The following GALNT14 variants were observed in gnomAD, a reference collection of about 807,000 sequenced individuals.
The protein encoded by GALNT14 is UDP-GalNAc:polypeptide N-acetylgalactosaminyltransferase 14.
A neutral mutation model predicts 77.5 loss-of-function variants in GALNT14; 60 were observed. The observed-to-expected ratio is 0.77, with a 90% confidence interval of 0.63 to 0.96. The LOEUF is 0.96. Ranked by LOEUF, GALNT14 falls within the 40% of genes least tolerant of loss-of-function variation. The pLI is 0.00. For missense variants in GALNT14, 710 were observed against 731.0 expected, an observed-to-expected ratio of 0.97 and a Z score of 0.33; for synonymous variants, 280 against 281.7, an observed-to-expected ratio of 0.99 and a Z score of 0.06.
At position 30,924,963 on chromosome 2, in the gene GALNT14, T is replaced by G. The variant is rs1665280027; in HGVS notation, c.1152-140A>C. 4.9e-6 allele frequency: 3 copies of G among 608,326 alleles called. No individual in the cohort carries two copies. The South Asian group carries it at 6.6e-5, about 13-fold the overall frequency. 37.7% of individuals were successfully genotyped at this position (608,326 alleles called of 1,614,324 possible). Reference sequence around the variant, plus strand: ...GTGCTCACATCTCTCTGGAAGGTGCTGGGGAAATTAAGCAAGAACAGATTT... The same window carrying G: ...GTGCTCACATCTCTCTGGAAGGTGCGGGGGAAATTAAGCAAGAACAGATTT... On this transcript the variant is annotated intron_variant, in intron 11 of 14. Transcript: ENST00000349752.
intron 1 of GALNT14, among the ~76,000 whole-genome samples, chr2:31,103,405 G>C (rs906302172): frequency 2.0e-5 from 3 of 151,988 alleles, no homozygotes; most frequent in African/African-American, 7.2e-5. Flanking sequence ...GGGGTGGAGA[G>C]AGAAAGAGAC....
chr2:30,935,604 G>A (rs910879505), intron 9 of GALNT14, among the ~76,000 whole-genome samples: 1 of 152,228 alleles, frequency 6.6e-6, no homozygotes, highest in Non-Finnish European at 1.5e-5. Flanking sequence ...GCAGTCTGAG[G>A]GATGCGGCTT....
In GALNT14 at chr2:30,932,254, C is replaced by T. The variant is rs1665782708; in HGVS notation, c.932-60G>A. 2.9e-6 allele frequency: 4 copies of T among 1,375,662 alleles called. No individual in the cohort carries two copies. In the Admixed American group the frequency reaches 1.2e-4, roughly 40 times the overall value. The allele number at this position is 1,375,662 out of a possible 1,614,324, so 85.2% of individuals were successfully genotyped here. A position where few individuals can be genotyped will look rare whatever the true frequency, so the allele number is the denominator to read the frequency against. ...ATCACTGCTGCTGCAGCTTTGAGGCCCCAGGTCTAATGAAACGGTGAGGCC... is the reference window on the plus strand; with the variant it reads ...ATCACTGCTGCTGCAGCTTTGAGGCTCCAGGTCTAATGAAACGGTGAGGCC... On this transcript the variant is annotated intron_variant, in intron 9 of 14. Transcript: ENST00000349752.
chr2:30,889,536 C>T, the GALNT14 span, among the ~76,000 whole-genome samples: 66,838 of 152,106 alleles, frequency 0.44, 17,290 homozygotes, highest in African/African-American at 0.73. Context: ...TTACAATCCA[C>T]ATCTCATCAG....
chr2:30,915,629 C>T (rs981045518), intron 13 of GALNT14, among the ~76,000 whole-genome samples: 2 of 152,224 alleles, frequency 1.3e-5, no homozygotes, highest in African/African-American at 4.8e-5. Flanking sequence ...CAGAAACAGA[C>T]TCCAGGAAGG....
At chr2:30,927,466 G>A (rs113307422) in intron 11 of GALNT14, among the ~76,000 whole-genome samples, 79 of 152,318 alleles carry the variant, frequency 5.2e-4, no homozygotes, top group African/African-American at 1.8e-3. Flanking sequence ...CCCTGCGCCA[G>A]GAGGCAAGAG....
intron 10 of GALNT14, among the ~76,000 whole-genome samples, chr2:30,930,415 T>G (rs1414190998): frequency 2.0e-5 from 3 of 152,196 alleles, no homozygotes; most frequent in Admixed American, 6.5e-5. Context: ...TCCAGACTTT[T>G]TGCTAGCACT....
At chr2:30,927,725 G>T (rs138809561) in intron 11 of GALNT14, among the ~76,000 whole-genome samples, 2 of 152,144 alleles carry the variant, frequency 1.3e-5, no homozygotes, top group African/African-American at 2.4e-5. Flanking sequence ...AGCGAAAGAG[G>T]GGGGTGGACT....
At chr2:30,995,745 C>T (rs1465115526) in intron 1 of GALNT14, among the ~76,000 whole-genome samples, 1 of 152,202 alleles carries the variant, frequency 6.6e-6, no homozygotes, top group Non-Finnish European at 1.5e-5. Context: ...GGCAATCCTT[C>T]CACCTCGGCC....
chr2:30,940,118 T>A (rs1666294216), intron 9 of GALNT14, among the ~76,000 whole-genome samples: 1 of 152,192 alleles, frequency 6.6e-6, no homozygotes, highest in Non-Finnish European at 1.5e-5. Context: ...TGGCAGTGCT[T>A]TTTTTGTGGT....
chr2:30,888,047 C>T, the GALNT14 span, among the ~76,000 whole-genome samples: 1 of 152,094 alleles, frequency 6.6e-6, no homozygotes, highest in African/African-American at 2.4e-5. Flanking sequence ...ATCCTTTTAC[C>T]CTTTGTCAGC....
At chr2:31,095,149 C>A (rs1380787669) in intron 1 of GALNT14, among the ~76,000 whole-genome samples, 1 of 152,106 alleles carries the variant, frequency 6.6e-6, no homozygotes, top group Non-Finnish European at 1.5e-5. Context: ...CAGGGGGCAA[C>A]AACCCAGAGA....
intron 1 of GALNT14, among the ~76,000 whole-genome samples, chr2:31,058,610 G>C (rs1326231133): frequency 1.3e-5 from 2 of 152,174 alleles, no homozygotes; most frequent in African/African-American, 4.8e-5. Flanking sequence ...TCAGGAGAGA[G>C]AGAGAAGCCA....
rs1252467619 is a variant in GALNT14, at chr2:31,038,099, T to A, written c.130-45092A>T. On this transcript the variant is annotated intron_variant, in intron 1 of 14. Transcript: ENST00000349752. ...ATATATATATATTTTTTTTTTTTTT[T>A]TTTTTTTTTTTTTTAGATGGAGTCT... 3.2e-3 allele frequency among the ~76,000 whole-genome samples: 376 copies of A among 118,712 alleles called. 10 individuals are homozygous for A. Among genetic ancestry groups the A allele is most frequent in the East Asian group, 0.019 (82 of 4,242 alleles). The allele number at this position is 118,712 out of a possible 152,430, so 77.9% of individuals were successfully genotyped here. A position where few individuals can be genotyped will look rare whatever the true frequency, so the allele number is the denominator to read the frequency against.
chr2:31,050,928 T>C (rs1387492650), intron 1 of GALNT14, among the ~76,000 whole-genome samples: 1 of 152,086 alleles, frequency 6.6e-6, no homozygotes, highest in Non-Finnish European at 1.5e-5. Flanking sequence ...GGCCAAATTA[T>C]AACTAAAGTG....
chr2:31,066,407 G>C (rs984708665), intron 1 of GALNT14, among the ~76,000 whole-genome samples: 1 of 151,516 alleles, frequency 6.6e-6, no homozygotes. Context: ...GAAAGGGTGC[G>C]GGGGCGGGGG....
At chr2:30,998,302 C>A (rs1670162693) in intron 1 of GALNT14, among the ~76,000 whole-genome samples, 1 of 152,130 alleles carries the variant, frequency 6.6e-6, no homozygotes, top group Non-Finnish European at 1.5e-5. Flanking sequence ...TTCCCTGGGA[C>A]TGTTTTTACT....
chr2:31,061,131 C>T (rs377604679), intron 1 of GALNT14, among the ~76,000 whole-genome samples: 1 of 152,132 alleles, frequency 6.6e-6, no homozygotes, highest in Non-Finnish European at 1.5e-5. Context: ...GAGCTCAACC[C>T]CTTACCAGAC....
chr2:31,073,193 G>A (rs375414869), intron 1 of GALNT14: 2 of 152,180 alleles, frequency 1.3e-5, no homozygotes, highest in African/African-American at 4.8e-5. Flanking sequence ...ATGGGAATAT[G>A]AAAAGGGACT....
Sources: gnomAD v4.1 joint callset for allele counts (sites outside exome capture counted in the v4.1 genomes callset) on GRCh38, gnomAD v4.1.1 for gene constraint, MANE v1.5 for transcripts, NCBI Gene and HGNC (gene_info 2026-07-23, HGNC 2026-07-21) for gene names.